Variants in KIAA0513 observed in about 807,000 individuals in gnomAD.
KIAA0513 encodes KIAA0513.
KIAA0513 carries 39 observed loss-of-function variants against 56.5 expected under a neutral mutation model. That is an observed-to-expected ratio of 0.69 (90% confidence interval 0.53 to 0.90). KIAA0513 has a LOEUF of 0.90. Among genes scored for constraint, KIAA0513 ranks in the 40% least tolerant of loss-of-function variants. The pLI is 0.00. For missense variants in KIAA0513, 591 were observed against 535.2 expected, an observed-to-expected ratio of 1.10 and a Z score of -1.03; for synonymous variants, 268 against 215.6, an observed-to-expected ratio of 1.24 and a Z score of -2.13.
intron 7 of KIAA0513, 24 bp downstream of exon 7, chr16:85,078,479 G>C: frequency 2.5e-6 from 4 of 1,611,458 alleles, no homozygotes; most frequent in Non-Finnish European, 3.4e-6. Context: ...GGCAGCAGCA[G>C]GAGACGCCCA....
intron 1 of KIAA0513, among the ~76,000 whole-genome samples, chr16:85,031,845 T>G (rs1347581105): frequency 6.6e-6 from 1 of 152,244 alleles, no homozygotes; most frequent in Non-Finnish European, 1.5e-5. Context: ...GTGTTTTATT[T>G]TCTTCATAAC....
Position 85,071,742 on chromosome 16 carries a change from GTTTTTTTTTTTTTTCCTCTGCTC to G in KIAA0513, c.330-26_330-4del. On this transcript the variant is annotated intron_variant, in intron 2 of 12. Transcript: ENST00000683363. ...CTGTTGCTCCAGGGGATTGAAAAGGGTTTTTTTTTTTTTTCCTCTGCTCTTTTTTTTTTTTTTTAGGGAGGACT... is the reference window on the plus strand; with the variant it reads ...CTGTTGCTCCAGGGGATTGAAAAGGGTTTTTTTTTTTTTTTAGGGAGGACT... 9.2e-7 allele frequency: 1 copy of G among 1,091,066 alleles called. No individual in the cohort carries two copies. Among genetic ancestry groups the G allele is most frequent in the Non-Finnish European group, 1.3e-6 (1 of 778,712 alleles). 67.6% of individuals were successfully genotyped at this position (1,091,066 alleles called of 1,614,324 possible).
intron 8 of KIAA0513, among the ~76,000 whole-genome samples, chr16:85,079,913 G>A (rs191920082): frequency 6.6e-6 from 1 of 152,182 alleles, no homozygotes; most frequent in Non-Finnish European, 1.5e-5. Context: ...CGCAGATGAT[G>A]GTCGTGCTGC....
chr16:85,034,682 G>C (rs1373934664), intron 1 of KIAA0513, among the ~76,000 whole-genome samples: 1 of 152,184 alleles, frequency 6.6e-6, no homozygotes, highest in Non-Finnish European at 1.5e-5. Flanking sequence ...CATATTTATA[G>C]GGTTTCCTCT....
rs888242057 is a variant in KIAA0513 at position 85,072,871 on chromosome 16, G to A, written c.430-54G>A. ...AGTGCAAAGCCTGCAGCTTCACTGA[G>A]TGCTGCGTGTGTCGCCCTGAACCTC... On this transcript the variant is annotated intron_variant, in intron 3 of 12. Coordinates refer to ENST00000683363, the MANE Select transcript of KIAA0513 (RefSeq NM_001388359.1). 6 of 1,529,474 alleles carry A rather than the reference G, an allele frequency of 3.9e-6. No individual in the cohort carries two copies. In the African/African-American group the frequency reaches 6.8e-5, roughly 17 times the overall value. The allele number at this position is 1,529,474 out of a possible 1,614,324, so 94.7% of individuals were successfully genotyped here. A position where few individuals can be genotyped will look rare whatever the true frequency, so the allele number is the denominator to read the frequency against.
intron 1 of KIAA0513, among the ~76,000 whole-genome samples, chr16:85,049,282 A>G (rs1251818818): frequency 6.6e-6 from 1 of 152,206 alleles, no homozygotes; most frequent in Non-Finnish European, 1.5e-5. Context: ...TTCCTCCCAT[A>G]GAGGCATGGA....
chr16:85,086,306 C>G (rs1427730493), intron 10 of KIAA0513, among the ~76,000 whole-genome samples: 1 of 152,252 alleles, frequency 6.6e-6, no homozygotes, highest in African/African-American at 2.4e-5. Context: ...ACTCTCCAAC[C>G]GTAGTAAGGC....
At chr16:85,066,657 G>T (rs112628201) in intron 1 of KIAA0513, among the ~76,000 whole-genome samples, 1 of 152,166 alleles carries the variant, frequency 6.6e-6, no homozygotes, top group Non-Finnish European at 1.5e-5. Context: ...GCCAGCAGAG[G>T]CCGTGTGCTG....
chr16:85,028,445 C>T (rs2072918916), intron 1 of KIAA0513, among the ~76,000 whole-genome samples: 1 of 152,180 alleles, frequency 6.6e-6, no homozygotes, highest in African/African-American at 2.4e-5. Context: ...CATTCTGCGT[C>T]TTCCCTCTGC....
chr16:85,069,582 A>G (rs1297725973), intron 2 of KIAA0513, among the ~76,000 whole-genome samples: 1 of 152,098 alleles, frequency 6.6e-6, no homozygotes, highest in East Asian at 1.9e-4. Flanking sequence ...TATCTCAGCC[A>G]GGGGAAGGAG....
chr16:85,053,869 G>A (rs1010641801), intron 1 of KIAA0513, among the ~76,000 whole-genome samples: 16 of 151,934 alleles, frequency 1.1e-4, no homozygotes, highest in African/African-American at 3.9e-4. Flanking sequence ...GCGTGCACCT[G>A]TAGTCCCAGC....
chr16:85,033,416 G>A (rs376016612), intron 1 of KIAA0513, among the ~76,000 whole-genome samples: 3 of 152,190 alleles, frequency 2.0e-5, no homozygotes, highest in East Asian at 3.8e-4. Context: ...TTGCTGCACT[G>A]GTCCTTGTAG....
chr16:85,036,945 G>C (rs1331897576), intron 1 of KIAA0513, among the ~76,000 whole-genome samples: 3 of 151,978 alleles, frequency 2.0e-5, no homozygotes, highest in Non-Finnish European at 4.4e-5. Context: ...ATTCTTGCAG[G>C]GTTTCTGGCC....
At chr16:85,058,172 A>G (rs2073355790) in intron 1 of KIAA0513, among the ~76,000 whole-genome samples, 1 of 152,170 alleles carries the variant, frequency 6.6e-6, no homozygotes, top group South Asian at 2.1e-4. Context: ...CTGTGGTCTG[A>G]CACTTGTCAA....
At chr16:85,051,475 A>T (rs2143924150) in intron 1 of KIAA0513, among the ~76,000 whole-genome samples, 1 of 152,308 alleles carries the variant, frequency 6.6e-6, no homozygotes, top group South Asian at 2.1e-4. Flanking sequence ...TAACCTGTTA[A>T]CAAGCAGACA....
At chr16:85,078,174 C>A (rs979268687) in intron 6 of KIAA0513, among the ~76,000 whole-genome samples, 13 of 152,302 alleles carry the variant, frequency 8.5e-5, no homozygotes, top group Non-Finnish European at 1.5e-5. Context: ...CCTTGGCCTC[C>A]TCCTCTACCC....
intron 10 of KIAA0513, among the ~76,000 whole-genome samples, chr16:85,083,976 C>T (rs1363301210): frequency 6.6e-6 from 1 of 152,118 alleles, no homozygotes; most frequent in Non-Finnish European, 1.5e-5. Context: ...GTCCAGATTC[C>T]CACTGTAGCG....
intron 1 of KIAA0513, among the ~76,000 whole-genome samples, chr16:85,046,227 G>A (rs1281518265): frequency 6.6e-6 from 1 of 152,196 alleles, no homozygotes; most frequent in Non-Finnish European, 1.5e-5. Flanking sequence ...GGGCAGTGCG[G>A]CTGCATCTTT....
At chr16:85,048,670 G>A (rs1270801915) in intron 1 of KIAA0513, among the ~76,000 whole-genome samples, 1 of 152,184 alleles carries the variant, frequency 6.6e-6, no homozygotes, top group Non-Finnish European at 1.5e-5. Context: ...CCTGAGCCCT[G>A]GAGTTCAAGG....
Sources: allele counts gnomAD v4.1 joint callset (sites outside exome capture counted in the v4.1 genomes callset), GRCh38; gene constraint gnomAD v4.1.1; transcripts MANE v1.5; gene names NCBI Gene and HGNC (gene_info 2026-07-23, HGNC 2026-07-21).